The following NEBL variants were observed in gnomAD, a reference collection of about 807,000 sequenced individuals.
NEBL encodes nebulette.
A neutral mutation model predicts 140.2 loss-of-function variants in NEBL; 122 were observed. The ratio of observed to expected loss-of-function variants is 0.87; its 90% CI spans 0.75 to 1.01. The LOEUF (loss-of-function observed/expected upper bound fraction) is 1.01, where lower values mean the gene tolerates loss of function less well. NEBL is among the 50% of genes least tolerant of loss of function. The probability of loss-of-function intolerance (pLI) is 0.00; values close to 1 mark genes in which losing one functional copy is unlikely to be tolerated. For synonymous variants in NEBL, 436 were observed against 398.9 expected, an observed-to-expected ratio of 1.09 and a Z score of -1.11; for missense variants, 1,365 against 1,231.3, an observed-to-expected ratio of 1.11 and a Z score of -1.62.
intron 3 of NEBL, among the ~76,000 whole-genome samples, chr10:21,191,844 G>C (rs1841579259): frequency 6.6e-6 from 1 of 152,162 alleles, no homozygotes; most frequent in Non-Finnish European, 1.5e-5. Context: ...AGCATTTGAT[G>C]ATCAAAAGCT....
chr10:20,859,739 G>A lies in NEBL; in HGVS notation c.772C>T (p.Gln258Ter). ...TTGCTCGCCAGTGTAGCAGCAAGCT[G>A]ATTCTGCCTAAAAGAAGCACTTTCA... ...PLESASFRQN[Q>*]LAATLASNVK... The change falls in exon 8 of 28, where the codon CAG (glutamine) becomes TAG (stop). Residue 258 changes from glutamine (Q) to a stop codon, truncating the protein, a stop_gained. Coordinates refer to ENST00000377122, the MANE Select transcript of NEBL (RefSeq NM_006393.3). LOFTEE classifies it high-confidence loss of function. The A allele has an allele frequency of 2.5e-6, 4 of 1,600,356 alleles. No homozygotes were observed. Among genetic ancestry groups the A allele is most frequent in the Non-Finnish European group, 1.7e-6 (2 of 1,168,404 alleles).
At chr10:21,035,903 C>T (rs1243700455) in intron 2 of NEBL, among the ~76,000 whole-genome samples, 1 of 152,130 alleles carries the variant, frequency 6.6e-6, no homozygotes. Context: ...TAGCTTAGGC[C>T]TGTAATCCCA....
At chr10:20,953,077 T>C (rs1835583460) in intron 4 of NEBL, among the ~76,000 whole-genome samples, 1 of 152,136 alleles carries the variant, frequency 6.6e-6, no homozygotes, top group Non-Finnish European at 1.5e-5. Flanking sequence ...CTGTTATACA[T>C]GCAGATCATT....
chr10:20,921,798 T>TAC (rs397712978), intron 4 of NEBL, among the ~76,000 whole-genome samples: 1 of 151,296 alleles, frequency 6.6e-6, no homozygotes, highest in African/African-American at 2.4e-5. Flanking sequence ...CACACACATA[T>TAC]GTATACACAC....
chr10:20,893,921 T>C (rs552238501), intron 2 of NEBL, among the ~76,000 whole-genome samples: 1 of 152,324 alleles, frequency 6.6e-6, no homozygotes, highest in African/African-American at 2.4e-5. Flanking sequence ...CTACAGATTA[T>C]CAAGCTGATC....
At chr10:21,088,696 G>A (rs192616503) in intron 2 of NEBL, among the ~76,000 whole-genome samples, 18 of 152,332 alleles carry the variant, frequency 1.2e-4, no homozygotes, top group Admixed American at 9.8e-4. Context: ...TAGCAGCAAA[G>A]AATAGTGACA....
chr10:20,802,694 G>C (rs900266861), intron 26 of NEBL, among the ~76,000 whole-genome samples: 1 of 152,114 alleles, frequency 6.6e-6, no homozygotes, highest in Non-Finnish European at 1.5e-5. Context: ...TTGTACTTTT[G>C]CCTTAACGAA....
intron 5 of NEBL, among the ~76,000 whole-genome samples, chr10:20,878,909 G>C (rs1459837940): frequency 1.3e-5 from 2 of 152,088 alleles, no homozygotes; most frequent in Non-Finnish European, 2.9e-5. Context: ...CTATGATAAG[G>C]AACTTCCGTA....
At chr10:20,860,561 C>CAAAA (rs879306514) in intron 7 of NEBL, among the ~76,000 whole-genome samples, 4,414 of 61,592 alleles carry the variant, frequency 0.072, 790 homozygotes, top group Non-Finnish European at 0.078. Context: ...AAGTTCACTA[C>CAAAA]AAAAAGAAAA....
intron 1 of NEBL, among the ~76,000 whole-genome samples, chr10:21,288,263 T>A (rs960083881): frequency 3.3e-5 from 5 of 150,810 alleles, no homozygotes; most frequent in African/African-American, 7.3e-5. Flanking sequence ...AGGTCAGGAG[T>A]TCGAGACCAG....
intron 2 of NEBL, among the ~76,000 whole-genome samples, chr10:21,105,788 T>G (rs556161163): frequency 6.6e-6 from 1 of 152,338 alleles, no homozygotes; most frequent in South Asian, 2.1e-4. Flanking sequence ...GTTGAACTAA[T>G]TTATACTCCC....
At position 21,194,809 on chromosome 10, in the gene NEBL, G is replaced by A. The variant is rs1467354043; in HGVS notation, n.349-22332C>T. 3.0e-5 allele frequency among the ~76,000 whole-genome samples: 4 copies of A among 134,962 alleles called. No individual in the cohort carries two copies. The East Asian group carries it at 7.1e-4, about 24-fold the overall frequency. 88.5% of individuals were successfully genotyped at this position (134,962 alleles called of 152,430 possible). A position where few individuals can be genotyped will look rare whatever the true frequency, so the allele number is the denominator to read the frequency against. ...ATCATTTGCTACCCCTCGCCCCGCC[G>A]CCCTGACCCCCACCCCCTGCCGCAA... is the stretch of plus-strand genomic sequence containing the variant. On this transcript the variant is annotated intron_variant and non_coding_transcript_variant, in intron 3 of 8. Transcript: ENST00000675702.
At chr10:21,117,921 A>G (rs572279554) in intron 2 of NEBL, among the ~76,000 whole-genome samples, 1 of 152,296 alleles carries the variant, frequency 6.6e-6, no homozygotes, top group Admixed American at 6.5e-5. Flanking sequence ...TAAAAAAAGA[A>G]TATTAGAAAT....
At chr10:20,858,745 C>A (rs1201366366) in intron 8 of NEBL, among the ~76,000 whole-genome samples, 1 of 152,088 alleles carries the variant, frequency 6.6e-6, no homozygotes, top group East Asian at 1.9e-4. Flanking sequence ...TTTTTTAAAG[C>A]AACTTTTTGA....
At chr10:20,997,836 A>C (rs1297921425) in intron 3 of NEBL, among the ~76,000 whole-genome samples, 2 of 152,198 alleles carry the variant, frequency 1.3e-5, no homozygotes, top group Non-Finnish European at 2.9e-5. Flanking sequence ...AAACATGAGG[A>C]CATTTATTCA....
chr10:21,092,477 G>A (rs901958076), intron 2 of NEBL, among the ~76,000 whole-genome samples: 16 of 151,758 alleles, frequency 1.1e-4, no homozygotes, highest in African/African-American at 3.1e-4. Context: ...TTTGAAGTTC[G>A]TCTGACCTGC....
intron 4 of NEBL, among the ~76,000 whole-genome samples, chr10:20,958,847 T>A (rs189185243): frequency 6.6e-6 from 1 of 152,300 alleles, no homozygotes; most frequent in East Asian, 1.9e-4. Flanking sequence ...CACTCTCACC[T>A]CGTTCATCAC....
intron 2 of NEBL, among the ~76,000 whole-genome samples, chr10:21,085,076 C>T (rs1836562789): frequency 6.6e-6 from 1 of 152,152 alleles, no homozygotes. Context: ...TTCTTCCCAG[C>T]CACCAACCAA....
intron 1 of NEBL, among the ~76,000 whole-genome samples, chr10:21,280,322 A>G (rs1842976538): frequency 6.6e-6 from 1 of 152,186 alleles, no homozygotes; most frequent in African/African-American, 2.4e-5. Context: ...ACCAAAAAAA[A>G]TCAAGCTGTT....
Sources: gnomAD v4.1 joint callset for allele counts (sites outside exome capture counted in the v4.1 genomes callset) on GRCh38, gnomAD v4.1.1 for gene constraint, MANE v1.5 for transcripts, NCBI Gene and HGNC (gene_info 2026-07-23, HGNC 2026-07-21) for gene names.